The following LEMD1 variants were observed in gnomAD, a reference collection of about 807,000 sequenced individuals.
The protein encoded by LEMD1 is LEM domain containing 1, also known as LEM domain-containing protein 1.
A neutral mutation model predicts 17.4 loss-of-function variants in LEMD1; 18 were observed. That is an observed-to-expected ratio of 1.04 (90% CI 0.72 to 1.54). The LOEUF (loss-of-function observed/expected upper bound fraction) is 1.54, where lower values mean the gene tolerates loss of function less well. Ranked by LOEUF, LEMD1 falls within the 40% of genes most tolerant of loss-of-function variation. LEMD1 has a pLI of 0.00. For synonymous variants in LEMD1, 88 were observed against 77.8 expected (o/e 1.13, Z -0.69); for missense variants, 195 against 210.4 (o/e 0.93, Z 0.45).
upstream of LEMD1, among the ~76,000 whole-genome samples, chr1:205,425,639 G>T (rs752271427): frequency 6.6e-6 from 1 of 152,142 alleles, no homozygotes; most frequent in Non-Finnish European, 1.5e-5. Context: ...AGGAGCAGCC[G>T]GTGTAGTGGG....
chr1:205,448,259 G>A lies in LEMD1; in HGVS notation c.-39+1609C>T, dbSNP rs1202779258. The A allele has an allele frequency of 3.9e-6, 2 of 506,474 alleles. No individual in the cohort carries two copies. The highest frequency in any genetic ancestry group is 2.0e-5 in the Admixed American group (1 of 49,002). The allele number at this position is 506,474 out of a possible 1,614,324, so 31.4% of individuals were successfully genotyped here. On this transcript the variant is annotated intron_variant, in intron 1 of 3. Transcript: ENST00000367154. This position sits in a 1 kb window ranked among gnomAD's most constrained non-coding sequence, Gnocchi z 4.7. Reference sequence around the variant, plus strand: ...TCCTTCTGGTGCCCCTTGGTGGCTGGCTCCGAACCTGGTCCCATGGGAGGT... The same window carrying A: ...TCCTTCTGGTGCCCCTTGGTGGCTGACTCCGAACCTGGTCCCATGGGAGGT...
intron 1 of LEMD1, among the ~76,000 whole-genome samples, chr1:205,446,915 T>C (rs1666398645): frequency 1.3e-5 from 2 of 152,228 alleles, no homozygotes; most frequent in African/African-American, 2.4e-5. Flanking sequence ...TTGCTTCTCC[T>C]ATTGTTCTGA....
In LEMD1 at chr1:205,406,751, G is replaced by A. The variant is rs148284298; in HGVS notation, c.270+9481C>T. Reference sequence around the variant, plus strand: ...ACTGTCTGACACTCCCCAGTGAGATGAACCTGGTACCTCAGATGGAAATGC... The same window carrying A: ...ACTGTCTGACACTCCCCAGTGAGATAAACCTGGTACCTCAGATGGAAATGC... On this transcript the variant is annotated intron_variant, in intron 4 of 5. Transcript: ENST00000367153. Among the ~76,000 whole-genome samples the A allele has an allele frequency of 3.7e-4, 57 of 152,316 alleles. No homozygotes were observed. In the East Asian group the frequency reaches 0.011, roughly 28 times the overall value.
At chr1:205,435,343 A>T (rs932889985) in intron 1 of LEMD1, 9 of 152,314 alleles carry the variant, frequency 5.9e-5, no homozygotes, top group African/African-American at 2.2e-4. Flanking sequence ...AAGCTGGGCC[A>T]GAGGGAACAG....
At chr1:205,384,224 G>GT (rs1181086093) in intron 5 of LEMD1, 64 bp downstream of exon 5, 5 of 978,204 alleles carry the variant, frequency 5.1e-6, no homozygotes, top group Admixed American at 3.8e-5. Flanking sequence ...TGAATAATTA[G>GT]TTTTTTCCAG....
chr1:205,431,495 G>A (rs1666124751), intron 1 of LEMD1, among the ~76,000 whole-genome samples: 1 of 152,150 alleles, frequency 6.6e-6, no homozygotes, highest in Non-Finnish European at 1.5e-5. Flanking sequence ...AGAAGTCTAG[G>A]GAGATTGAGT....
chr1:205,430,216 C>G (rs1666107177), intron 1 of LEMD1, among the ~76,000 whole-genome samples: 1 of 152,230 alleles, frequency 6.6e-6, no homozygotes, highest in Non-Finnish European at 1.5e-5. Flanking sequence ...TGCTTGCACA[C>G]CCAAGGGTCC....
upstream of LEMD1, among the ~76,000 whole-genome samples, chr1:205,423,470 A>G (rs1428193399): frequency 6.6e-6 from 1 of 152,234 alleles, no homozygotes; most frequent in East Asian, 1.9e-4. Flanking sequence ...AAACAGTTAG[A>G]CTATTGGGAT....
At chr1:205,416,411 GATGAA>G in intron 3 of LEMD1, 115 bp from the exon 4 acceptor site, 1 of 712,974 alleles carries the variant, frequency 1.4e-6, no homozygotes, top group Non-Finnish European at 2.3e-6. Context: ...TTTGCAAGGG[GATGAA>G]AATTCACGTG....
chr1:205,399,213 T>TAAAAAAAAA (rs36083021), intron 4 of LEMD1, among the ~76,000 whole-genome samples: 1 of 142,430 alleles, frequency 7.0e-6, no homozygotes, highest in Non-Finnish European at 1.5e-5. Flanking sequence ...AGACTCCATC[T>TAAAAAAAAA]AAAAAAAAAA....
chr1:205,408,507 T>C (rs1228814607), intron 4 of LEMD1, among the ~76,000 whole-genome samples: 2 of 150,442 alleles, frequency 1.3e-5, no homozygotes, highest in African/African-American at 2.4e-5. Context: ...TCTTTCTTTT[T>C]TTTTTTTTTT....
At chr1:205,419,754 C>G (rs151198902) in intron 2 of LEMD1, among the ~76,000 whole-genome samples, 43 of 152,312 alleles carry the variant, frequency 2.8e-4, no homozygotes, top group Admixed American at 1.3e-3. Flanking sequence ...ACATGAGCCA[C>G]TGCGCCCTGC....
intron 3 of LEMD1, among the ~76,000 whole-genome samples, chr1:205,417,512 A>T (rs1402496447): frequency 6.6e-6 from 1 of 152,152 alleles, no homozygotes; most frequent in Non-Finnish European, 1.5e-5. Flanking sequence ...TCCCCAGGGC[A>T]GGAAACAGAA....
chr1:205,390,303 C>T (rs999900016), intron 4 of LEMD1, among the ~76,000 whole-genome samples: 7 of 151,176 alleles, frequency 4.6e-5, no homozygotes, highest in African/African-American at 1.2e-4. Context: ...TGCAGTGAGC[C>T]GAGATTACGC....
At chr1:205,393,229 G>A (rs1019030712) in intron 4 of LEMD1, among the ~76,000 whole-genome samples, 3 of 152,124 alleles carry the variant, frequency 2.0e-5, no homozygotes, top group Admixed American at 2.0e-4. Context: ...AGATATAGAA[G>A]TGGCCAATAA....
At chr1:205,420,672 A>G (rs561848423) in intron 1 of LEMD1, 98 bp from the exon 2 acceptor site, 81 of 671,352 alleles carry the variant, frequency 1.2e-4, no homozygotes, top group African/African-American at 1.1e-3. Flanking sequence ...TATCTCCCCA[A>G]CCTCCTAGGT....
At chr1:205,397,675 G>A (rs1031499123) in intron 4 of LEMD1, among the ~76,000 whole-genome samples, 1 of 152,144 alleles carries the variant, frequency 6.6e-6, no homozygotes, top group Admixed American at 6.6e-5. Flanking sequence ...GCCCTGACAA[G>A]TCTCAAGAGA....
upstream of LEMD1, chr1:205,422,156 A>G (rs1248877259): frequency 6.6e-6 from 1 of 152,198 alleles, no homozygotes; most frequent in Admixed American, 6.6e-5. Flanking sequence ...CAACAGATTG[A>G]TGTGCAAATC....
At chr1:205,416,497 C>A (rs145540886) in intron 3 of LEMD1, among the ~76,000 whole-genome samples, 9 of 152,332 alleles carry the variant, frequency 5.9e-5, no homozygotes, top group Admixed American at 3.9e-4. Context: ...AGGCCTTCCT[C>A]TGGGAATAAG....
Sources: allele counts gnomAD v4.1 joint callset (sites outside exome capture counted in the v4.1 genomes callset), GRCh38; gene constraint gnomAD v4.1.1; non-coding constraint Gnocchi (gnomAD v3.1); transcripts MANE v1.5; gene names NCBI Gene and HGNC (gene_info 2026-07-23, HGNC 2026-07-21).